The following CD8B2 variants were observed in gnomAD, a reference collection of about 807,000 sequenced individuals.
The protein encoded by CD8B2 is CD8B family member 2.
Under a neutral mutation model 23.7 loss-of-function variants are expected in CD8B2, and 11 were observed. That is an observed-to-expected ratio of 0.46 (90% CI 0.29 to 0.77). CD8B2 has a LOEUF of 0.77. CD8B2 is among the 30% of genes least tolerant of loss of function. CD8B2 has a pLI of 0.09. For missense variants in CD8B2, 197 were observed against 270.5 expected (o/e 0.73, Z 1.91); for synonymous variants, 90 against 109.3 (o/e 0.82, Z 1.10).
chr2:106,541,579 T>C lies in CD8B2; in HGVS notation c.621-2413T>C, dbSNP rs550509996. ...AAGGTATGAGGTTGAGAAACCATTTTAGAATGCATTTTTCAAACCGTAAGA... is the reference window on the plus strand; with the variant it reads ...AAGGTATGAGGTTGAGAAACCATTTCAGAATGCATTTTTCAAACCGTAAGA... On this transcript the variant is annotated intron_variant, in intron 5 of 5. Transcript: ENST00000416057. Among the ~76,000 whole-genome samples, 129 of 152,320 alleles carry C rather than the reference T, an allele frequency of 8.5e-4. No homozygotes were observed. In the South Asian group the frequency reaches 0.026, roughly 30 times the overall value.
chr2:106,500,062 C>A (rs1679374675), intron 3 of CD8B2, among the ~76,000 whole-genome samples: 1 of 84,506 alleles, frequency 1.2e-5, no homozygotes, highest in African/African-American at 4.5e-5. Context: ...CTGTACCTCT[C>A]ATGCCCTCAT....
At chr2:106,519,715 A>G (rs573207923) in intron 5 of CD8B2, among the ~76,000 whole-genome samples, 53 of 152,390 alleles carry the variant, frequency 3.5e-4, no homozygotes, top group African/African-American at 1.2e-3. Flanking sequence ...TCCCTGGGCT[A>G]CACTGGAAGA....
chr2:106,540,529 G>A (rs1680155748), intron 5 of CD8B2, among the ~76,000 whole-genome samples: 1 of 152,072 alleles, frequency 6.6e-6, no homozygotes, highest in Non-Finnish European at 1.5e-5. Context: ...ACAGTCTTGA[G>A]GGGGAAAAAG....
intron 2 of CD8B2, among the ~76,000 whole-genome samples, chr2:106,493,038 C>G (rs1279947990): frequency 1.3e-5 from 2 of 152,138 alleles, no homozygotes; most frequent in Non-Finnish European, 2.9e-5. Context: ...CCGCCTCCAT[C>G]CCAACCGCAC....
At chr2:106,487,863 G>C (rs1184867049) in intron 1 of CD8B2, among the ~76,000 whole-genome samples, 1 of 152,074 alleles carries the variant, frequency 6.6e-6, no homozygotes. Flanking sequence ...GGGTCCTGTG[G>C]ACACATTTTT....
At chr2:106,514,513 T>C (rs952124873), downstream of CD8B2, among the ~76,000 whole-genome samples, 2 of 151,846 alleles carry the variant, frequency 1.3e-5, no homozygotes, top group Admixed American at 6.6e-5. Context: ...GGTCTCGAAC[T>C]CCTGACCTCA....
chr2:106,507,357 C>G lies in CD8B2; in HGVS notation c.*417C>G. ...CATGGGGTGATGCTGGGCTGGCTCC[C>G]TCTTGGTCTTCCCAGGCTGGGGCTG... On this transcript the variant is annotated 3_prime_UTR_variant, in exon 6 of 6. Transcript: ENST00000643224. The G allele has an allele frequency of 1.0e-6, 1 of 990,296 alleles. No individual in the cohort carries two copies. The highest frequency in any genetic ancestry group is 4.7e-5 in the South Asian group (1 of 21,428). The allele number at this position is 990,296 out of a possible 1,614,324, so 61.3% of individuals were successfully genotyped here.
At chr2:106,517,580 C>T (rs1679747617) in intron 5 of CD8B2, among the ~76,000 whole-genome samples, 1 of 152,246 alleles carries the variant, frequency 6.6e-6, no homozygotes, top group East Asian at 1.9e-4. Flanking sequence ...ACAGAGAGCC[C>T]CGTCAGCCTC....
chr2:106,533,009 G>A (rs1680013159), intron 5 of CD8B2, among the ~76,000 whole-genome samples: 1 of 152,206 alleles, frequency 6.6e-6, no homozygotes, highest in Admixed American at 6.5e-5. Context: ...GCTGCTGAAC[G>A]TGGATTTTCA....
chr2:106,495,227 G>A (rs979105847), intron 2 of CD8B2, among the ~76,000 whole-genome samples: 3 of 152,158 alleles, frequency 2.0e-5, no homozygotes, highest in East Asian at 1.9e-4. Context: ...AAGTCATACA[G>A]CGGTTAATCA....
intron 5 of CD8B2, among the ~76,000 whole-genome samples, chr2:106,504,628 T>A (rs1467572455): frequency 2.6e-5 from 4 of 151,646 alleles, no homozygotes; most frequent in Non-Finnish European, 4.4e-5. Flanking sequence ...GGTGATAGAG[T>A]TCAGGAACCT....
At chr2:106,512,083 TG>T (rs1470137875), downstream of CD8B2, among the ~76,000 whole-genome samples, 1 of 152,194 alleles carries the variant, frequency 6.6e-6, no homozygotes, top group Non-Finnish European at 1.5e-5. Flanking sequence ...TACGTAATTT[TG>T]TTGTTGTTTG....
rs559479996 is a variant in CD8B2, at chr2:106,505,731, T to C, written c.621-1197T>C. On this transcript the variant is annotated intron_variant, in intron 5 of 5. Coordinates refer to ENST00000643224, the MANE Select transcript of CD8B2 (RefSeq NM_001349727.2). ...GGATTTTATGGGCAATTTTCAATGATATTTTAATTGTGTACAATTTTCACC... is the reference window on the plus strand; with the variant it reads ...GGATTTTATGGGCAATTTTCAATGACATTTTAATTGTGTACAATTTTCACC... Among the ~76,000 whole-genome samples, 746 of 152,370 alleles carry C rather than the reference T, an allele frequency of 4.9e-3. 10 individuals carry two copies. Among genetic ancestry groups the C allele is most frequent in the African/African-American group, 0.017 (727 of 41,588 alleles).
intron 5 of CD8B2, among the ~76,000 whole-genome samples, chr2:106,527,993 T>C (rs982071823): frequency 4.6e-5 from 7 of 152,146 alleles, no homozygotes; most frequent in Admixed American, 4.6e-4. Context: ...CTCATTCTTT[T>C]TGGGTGAGGT....
At position 106,528,634 on chromosome 2, in the gene CD8B2, G is replaced by C. The variant is rs1679948447; in HGVS notation, c.621-15358G>C. ...TAAGAACAACTCGTACAATGAAAAAGAGAATAGCTCATGAATAATTAAAGT... is the reference window on the plus strand; with the variant it reads ...TAAGAACAACTCGTACAATGAAAAACAGAATAGCTCATGAATAATTAAAGT... On this transcript the variant is annotated intron_variant, in intron 5 of 5. Transcript: ENST00000416057. Among the ~76,000 whole-genome samples the C allele has an allele frequency of 3.3e-5, 5 of 152,320 alleles. No individual in the cohort carries two copies. In the South Asian group the frequency reaches 1.0e-3, roughly 32 times the overall value.
chr2:106,529,386 T>C (rs904466571), intron 5 of CD8B2, among the ~76,000 whole-genome samples: 1 of 152,164 alleles, frequency 6.6e-6, no homozygotes, highest in South Asian at 2.1e-4. Flanking sequence ...TTAATGAGCA[T>C]TTCTCATCTG....
downstream of CD8B2, among the ~76,000 whole-genome samples, chr2:106,513,390 C>T (rs937940945): frequency 6.6e-6 from 1 of 152,098 alleles, no homozygotes; most frequent in Admixed American, 6.5e-5. Context: ...GCTGCAGCCT[C>T]GTGCCAGCCC....
intron 5 of CD8B2, among the ~76,000 whole-genome samples, chr2:106,524,224 C>T (rs995805594): frequency 6.6e-6 from 1 of 152,140 alleles, no homozygotes; most frequent in African/African-American, 2.4e-5. Context: ...GGGCTGGTTT[C>T]CTGGGCAGGT....
chr2:106,536,109 A>C (rs1017650221), intron 5 of CD8B2, among the ~76,000 whole-genome samples: 1 of 147,938 alleles, frequency 6.8e-6, no homozygotes. Flanking sequence ...ATCTCAGCTC[A>C]TCACAACCTC....
Sources: gnomAD v4.1 joint callset for allele counts (sites outside exome capture counted in the v4.1 genomes callset) on GRCh38, gnomAD v4.1.1 for gene constraint, MANE v1.5 for transcripts, NCBI Gene and HGNC (gene_info 2026-07-23, HGNC 2026-07-21) for gene names.